The following RBFOX1 variants were observed in gnomAD, a reference collection of about 807,000 sequenced individuals.
RBFOX1 encodes RNA binding fox-1 homolog 1, also known as RNA binding protein fox-1 homolog 1.
In RBFOX1, 8 loss-of-function variants were observed where a neutral mutation model predicts 57.7. The ratio of observed to expected loss-of-function variants is 0.14; its 90% CI spans 0.08 to 0.25. The LOEUF is 0.25. Among genes scored for constraint, RBFOX1 ranks in the 10% least tolerant of loss-of-function variants. The pLI, the probability that RBFOX1 is intolerant of heterozygous loss-of-function variation, is 1.00. For missense variants in RBFOX1, 611 were observed against 548.5 expected, an observed-to-expected ratio of 1.11 and a Z score of -1.14; for synonymous variants, 326 against 222.4, an observed-to-expected ratio of 1.47 and a Z score of -4.15.
chr16:5,886,561 T>C (rs1004851189), intron 4 of RBFOX1, among the ~76,000 whole-genome samples: 2 of 152,206 alleles, frequency 1.3e-5, no homozygotes, highest in Non-Finnish European at 2.9e-5. Flanking sequence ...AAGAATACCA[T>C]TGGCCCTGAG....
At chr16:5,826,823 G>C (rs28722014) in intron 3 of RBFOX1, among the ~76,000 whole-genome samples, 33,528 of 151,964 alleles carry the variant, frequency 0.22, 4,564 homozygotes, top group African/African-American at 0.38. Context: ...TAACACTATT[G>C]TGAGAAGTGG....
chr16:6,398,730 T>C (rs62016246), intron 2 of RBFOX1, among the ~76,000 whole-genome samples: 54,278 of 152,140 alleles, frequency 0.36, 9,880 homozygotes, highest in East Asian at 0.55. Flanking sequence ...CACAGCCACC[T>C]TTCCACCTGC....
At chr16:6,086,316 C>G (rs2096083157) in intron 1 of RBFOX1, among the ~76,000 whole-genome samples, 1 of 152,178 alleles carries the variant, frequency 6.6e-6, no homozygotes, top group Non-Finnish European at 1.5e-5. Context: ...GTGTTATTTG[C>G]TGTTCACCCA....
At chr16:7,272,125 G>T (rs186494470) in intron 4 of RBFOX1, among the ~76,000 whole-genome samples, 1 of 152,256 alleles carries the variant, frequency 6.6e-6, no homozygotes, top group East Asian at 1.9e-4. Context: ...CTGAAAACTT[G>T]ATTTCTAATG....
intron 1 of RBFOX1, among the ~76,000 whole-genome samples, chr16:5,284,155 T>G (rs114565518): frequency 0.019 from 2,868 of 152,310 alleles, 88 homozygotes; most frequent in African/African-American, 0.065. Flanking sequence ...CATGACTTGC[T>G]TCTTCTTGCC....
At chr16:6,672,419 G>C (rs2098771844) in intron 3 of RBFOX1, among the ~76,000 whole-genome samples, 1 of 150,038 alleles carries the variant, frequency 6.7e-6, no homozygotes, top group South Asian at 2.1e-4. Context: ...CGGATGGATG[G>C]AAGGAAGGAA....
At chr16:5,883,287 A>C (rs1313293793) in intron 4 of RBFOX1, among the ~76,000 whole-genome samples, 1 of 152,228 alleles carries the variant, frequency 6.6e-6, no homozygotes, top group Non-Finnish European at 1.5e-5. Flanking sequence ...TTTTAAAAAT[A>C]TATGTGTGTT....
intron 4 of RBFOX1, among the ~76,000 whole-genome samples, chr16:7,374,540 TG>T (rs2097648110): frequency 6.6e-6 from 1 of 152,166 alleles, no homozygotes; most frequent in South Asian, 2.1e-4. Context: ...GGAATCTACC[TG>T]GCTCTTAGCA....
At chr16:7,598,500 T>TA (rs768856281) in intron 9 of RBFOX1, among the ~76,000 whole-genome samples, 39 of 150,188 alleles carry the variant, frequency 2.6e-4, no homozygotes, top group Middle Eastern at 3.5e-3. Context: ...TTTTTTAAAG[T>TA]AAAAAAAAAA....
At chr16:6,628,018 C>G (rs1315445535) in intron 2 of RBFOX1, among the ~76,000 whole-genome samples, 1 of 152,236 alleles carries the variant, frequency 6.6e-6, no homozygotes, top group Admixed American at 6.5e-5. Flanking sequence ...AGCAATGTCT[C>G]CAAGTGTGCA....
chr16:6,160,464 G>A (rs74005001), intron 1 of RBFOX1, among the ~76,000 whole-genome samples: 7,255 of 152,014 alleles, frequency 0.048, 615 homozygotes, highest in African/African-American at 0.17. Flanking sequence ...TGTATCTGGG[G>A]CTTGCTCACC....
At chr16:6,859,165 GTATA>G (rs749806270) in intron 3 of RBFOX1, among the ~76,000 whole-genome samples, 1 of 54,032 alleles carries the variant, frequency 1.9e-5, no homozygotes, top group African/African-American at 1.2e-4. Context: ...ATATATATAC[GTATA>G]TATATGTATA....
Position 5,416,943 on chromosome 16 carries a change from T to C in RBFOX1, c.220-50273T>C, listed in dbSNP as rs181876825. ...AGATGGAAACCAAGGGGATGGCTTA[T>C]GGAACAGGGCACAGCAATGAAAAGT... On this transcript the variant is annotated intron_variant, in intron 1 of 2. Transcript: ENST00000585867. Among the ~76,000 whole-genome samples, 116 of 152,302 alleles carry C rather than the reference T, an allele frequency of 7.6e-4. 2 individuals carry two copies. Among genetic ancestry groups the C allele is most frequent in the Middle Eastern group, 3.4e-3 (1 of 294 alleles).
chr16:6,239,335 GACC>G (rs1425405970), intron 1 of RBFOX1, among the ~76,000 whole-genome samples: 1 of 151,956 alleles, frequency 6.6e-6, no homozygotes, highest in Non-Finnish European at 1.5e-5. Flanking sequence ...TGTCCGAAGG[GACC>G]ACAGTGTCCA....
intron 4 of RBFOX1, among the ~76,000 whole-genome samples, chr16:7,420,910 T>C (rs56971569): frequency 3.0e-5 from 4 of 135,108 alleles, no homozygotes; most frequent in African/African-American, 2.8e-5. Context: ...CACATATATA[T>C]ACATATATAT....
intron 3 of RBFOX1, among the ~76,000 whole-genome samples, chr16:6,765,178 G>A (rs2077159825): frequency 6.6e-6 from 1 of 152,110 alleles, no homozygotes. Context: ...GGCTCTGAAT[G>A]CAGCACGTGG....
intron 3 of RBFOX1, among the ~76,000 whole-genome samples, chr16:7,041,782 A>C (rs936593295): frequency 2.0e-5 from 3 of 152,250 alleles, no homozygotes; most frequent in African/African-American, 7.2e-5. Flanking sequence ...GCTTCTTGTG[A>C]AAACCTCCTG....
At position 6,513,865 on chromosome 16, in the gene RBFOX1, C is replaced by T. The variant is rs144840479; in HGVS notation, c.-63-140738C>T. Among the ~76,000 whole-genome samples the T allele has an allele frequency of 1.8e-4, 27 of 152,128 alleles. No individual in the cohort carries two copies. The East Asian group carries it at 3.5e-3, about 20-fold the overall frequency. ...GTGTTCTCATTGGTTTGGACTAGGA[C>T]GCATAATCCAATACTGTCACCTGAG... is the stretch of plus-strand genomic sequence containing the variant. On this transcript the variant is annotated intron_variant, in intron 2 of 15. Coordinates refer to ENST00000550418, the MANE Select transcript of RBFOX1 (RefSeq NM_018723.4).
intron 3 of RBFOX1, among the ~76,000 whole-genome samples, chr16:5,638,797 A>G (rs2048769181): frequency 6.6e-6 from 1 of 152,204 alleles, no homozygotes; most frequent in African/African-American, 2.4e-5. Context: ...GGAAAAGAGC[A>G]GCCTTAAGTT....
Sources: gnomAD v4.1 joint callset for allele counts (sites outside exome capture counted in the v4.1 genomes callset) on GRCh38, gnomAD v4.1.1 for gene constraint, MANE v1.5 for transcripts, NCBI Gene and HGNC (gene_info 2026-07-23, HGNC 2026-07-21) for gene names.